LOXL2: variants seen among roughly 807,000 people sequenced by gnomAD.
LOXL2 encodes lysyl oxidase homolog 2.
A neutral mutation model predicts 93.0 loss-of-function variants in LOXL2; 70 were observed. That is an observed-to-expected ratio of 0.75 (90% CI 0.62 to 0.92). The LOEUF is 0.92. Ranked by LOEUF, LOXL2 falls within the 40% of genes least tolerant of loss-of-function variation. The probability of loss-of-function intolerance (pLI) is 0.00; values close to 1 mark genes in which losing one functional copy is unlikely to be tolerated. For missense variants in LOXL2, 973 were observed against 1,054.9 expected (o/e 0.92, Z 1.08); for synonymous variants, 438 against 413.2 (o/e 1.06, Z -0.73).
chr8:23,301,302 C>T (rs1188446586), intron 12 of LOXL2, among the ~76,000 whole-genome samples: 2 of 152,148 alleles, frequency 1.3e-5, no homozygotes, highest in African/African-American at 2.4e-5. Context: ...GACACAATGC[C>T]CCTTTTCTCC....
intron 2 of LOXL2, among the ~76,000 whole-genome samples, chr8:23,360,477 G>A (rs1804271982): frequency 6.6e-6 from 1 of 152,210 alleles, no homozygotes; most frequent in South Asian, 2.1e-4. Flanking sequence ...ATCTGGGAAT[G>A]TAGTAGATTT....
rs566224706 is a variant in LOXL2 at position 23,391,472 on chromosome 8, C to T, written c.-84+12482G>A. On this transcript the variant is annotated intron_variant, in intron 1 of 13. Transcript: ENST00000389131. ...AACAATCTGGACAAAATCCAGGAGG[C>T]GTATCATCATTCCCATCAAGCACTC... 2.2e-4 allele frequency among the ~76,000 whole-genome samples: 33 copies of T among 152,236 alleles called. No homozygotes were observed. In the South Asian group the frequency reaches 5.6e-3, roughly 26 times the overall value.
chr8:23,375,077 A>G (rs1231914552), intron 1 of LOXL2, among the ~76,000 whole-genome samples: 2 of 152,076 alleles, frequency 1.3e-5, no homozygotes, highest in Admixed American at 6.5e-5. Flanking sequence ...TTATGGTTTT[A>G]GGTCTAACAT....
At position 23,298,924 on chromosome 8, in the gene LOXL2, C is replaced by T. The variant is rs141865904; in HGVS notation, c.2157G>A (p.Glu719=). ...LFQVVINPNF[E]VAESDYSNNI... is the part of the protein sequence containing the mutation. ...TGTTGGAGTAATCGGATTCTGCAAC[C>T]TCGAAGTTGGGGTTAATAACAACCT... The change falls in exon 13 of 14, where the codon GAG becomes GAA. Residue 719 remains glutamate, a synonymous_variant. Transcript: ENST00000389131. 4 of 1,612,786 alleles carry T rather than the reference C, an allele frequency of 2.5e-6. No homozygotes were observed. In the African/African-American group the frequency reaches 5.3e-5, roughly 22 times the overall value.
chr8:23,333,724 G>T, intron 4 of LOXL2, 101 bp from the exon 5 acceptor site: 1 of 932,480 alleles, frequency 1.1e-6, no homozygotes, highest in Non-Finnish European at 1.6e-6. Flanking sequence ...CCTGCTCCTG[G>T]AGCTCAGCCC....
At position 23,386,086 on chromosome 8, in the gene LOXL2, C is replaced by G. The variant is rs779686631; in HGVS notation, c.-83-17652G>C. ...GAGACAGAAAGGCTACATGATTTTCCTATAGTCACACTGCTAAAAAGTGAT... is the reference window on the plus strand; with the variant it reads ...GAGACAGAAAGGCTACATGATTTTCGTATAGTCACACTGCTAAAAAGTGAT... On this transcript the variant is annotated intron_variant, in intron 1 of 13. Transcript: ENST00000389131. The G allele has an allele frequency of 6.5e-6, 5 of 764,124 alleles. No homozygotes were observed. The African/African-American group carries it at 8.5e-5, about 13-fold the overall frequency. 47.3% of individuals were successfully genotyped at this position (764,124 alleles called of 1,614,324 possible).
intron 1 of LOXL2, among the ~76,000 whole-genome samples, chr8:23,393,501 A>G (rs1800042074): frequency 6.6e-6 from 1 of 152,242 alleles, no homozygotes; most frequent in Non-Finnish European, 1.5e-5. Flanking sequence ...AGCCACATGC[A>G]AAAGAATGAA....
chr8:23,313,805 A>G (rs1803351710), intron 9 of LOXL2, among the ~76,000 whole-genome samples: 2 of 151,710 alleles, frequency 1.3e-5, no homozygotes, highest in South Asian at 4.2e-4. Flanking sequence ...ATGGGATCTA[A>G]TTAAACTAAA....
chr8:23,332,239 AC>A (rs1328097940), intron 5 of LOXL2, among the ~76,000 whole-genome samples: 938 of 54,170 alleles, frequency 0.017, 6 homozygotes, highest in Admixed American at 0.03. Flanking sequence ...ACACACTCAC[AC>A]CCCCACACAC....
At chr8:23,376,150 G>T (rs1804586102) in intron 1 of LOXL2, among the ~76,000 whole-genome samples, 1 of 152,154 alleles carries the variant, frequency 6.6e-6, no homozygotes, top group Non-Finnish European at 1.5e-5. Flanking sequence ...TAGCATGAAG[G>T]GCTGTTGAAT....
intron 3 of LOXL2, among the ~76,000 whole-genome samples, chr8:23,344,595 G>T (rs1486136292): frequency 6.6e-6 from 1 of 152,066 alleles, no homozygotes; most frequent in African/African-American, 2.4e-5. Context: ...CTCTGGGATT[G>T]TGTGTCTGTG....
At position 23,328,375 on chromosome 8, in the gene LOXL2, T is replaced by C; in HGVS notation, c.1150+7A>G. ...GAGAGGCCCCCTCTAGCCTCCCCATTCCTTACCTTGCCCCAGTCGGGAGCC... is the reference window on the plus strand; with the variant it reads ...GAGAGGCCCCCTCTAGCCTCCCCATCCCTTACCTTGCCCCAGTCGGGAGCC... On this transcript the variant is annotated splice_region_variant and intron_variant, in intron 6 of 13. Transcript: ENST00000389131. 1 of 1,613,472 alleles carries C rather than the reference T, an allele frequency of 6.2e-7. No individual in the cohort carries two copies. Among genetic ancestry groups the C allele is most frequent in the Non-Finnish European group, 8.5e-7 (1 of 1,179,862 alleles).
chr8:23,309,246 G>A lies in LOXL2; in HGVS notation c.1880+422C>T, dbSNP rs569359609. On this transcript the variant is annotated intron_variant, in intron 10 of 13. Coordinates refer to ENST00000389131, the MANE Select transcript of LOXL2 (RefSeq NM_002318.3). Reference sequence around the variant, plus strand: ...GATCCGCCCGCCTCGGCCTCCCAAAGTGCTGGGATTACAGGCGTGAGCCAC... The same window carrying A: ...GATCCGCCCGCCTCGGCCTCCCAAAATGCTGGGATTACAGGCGTGAGCCAC... Among the ~76,000 whole-genome samples the A allele has an allele frequency of 3.2e-4, 49 of 152,216 alleles. 1 individual carries two copies. The South Asian group carries it at 9.5e-3, about 30-fold the overall frequency.
chr8:23,313,811 C>G (rs1803351748), intron 9 of LOXL2, among the ~76,000 whole-genome samples: 1 of 151,442 alleles, frequency 6.6e-6, no homozygotes. Context: ...TCTAATTAAA[C>G]TAAAGAGCTC....
At chr8:23,337,820 G>A (rs1172765758) in intron 4 of LOXL2, among the ~76,000 whole-genome samples, 1 of 152,178 alleles carries the variant, frequency 6.6e-6, no homozygotes, top group Non-Finnish European at 1.5e-5. Context: ...GTGGAAGTCA[G>A]TGCCACGGCC....
intron 5 of LOXL2, among the ~76,000 whole-genome samples, chr8:23,333,185 G>A (rs1803733107): frequency 6.6e-6 from 1 of 152,134 alleles, no homozygotes; most frequent in Non-Finnish European, 1.5e-5. Flanking sequence ...AGCGGACAGC[G>A]CACCAACAGC....
Position 23,303,773 on chromosome 8 carries a change from C to A in LOXL2, c.1881-376G>T, listed in dbSNP as rs1339743191. On this transcript the variant is annotated intron_variant, in intron 10 of 13. Coordinates refer to ENST00000389131, the MANE Select transcript of LOXL2 (RefSeq NM_002318.3). ...TGCAACTGGCTCTCACAGCCCCTTC[C>A]TGTTTGATGCACTTTCTTCAGGGTA... Among the ~76,000 whole-genome samples the A allele has an allele frequency of 5.3e-5, 8 of 152,206 alleles. 1 individual carries two copies. Among genetic ancestry groups the A allele is most frequent in the African/African-American group, 1.9e-4 (8 of 41,442 alleles).
At chr8:23,331,053 G>T (rs1046037276) in intron 5 of LOXL2, among the ~76,000 whole-genome samples, 6 of 152,226 alleles carry the variant, frequency 3.9e-5, no homozygotes, top group Non-Finnish European at 8.8e-5. Flanking sequence ...TCAGTCTTTT[G>T]TTCAAATCTC....
chr8:23,303,145 G>A (rs1803167704), intron 11 of LOXL2, 137 bp downstream of exon 11: 2 of 675,270 alleles, frequency 3.0e-6, no homozygotes, highest in Non-Finnish European at 2.7e-6. Context: ...AGCTGAGGAA[G>A]GTCCAGGTGG....
Sources: gnomAD v4.1 joint callset for allele counts (sites outside exome capture counted in the v4.1 genomes callset) on GRCh38, gnomAD v4.1.1 for gene constraint, MANE v1.5 for transcripts, NCBI Gene and HGNC (gene_info 2026-07-23, HGNC 2026-07-21) for gene names.